Variants in SNX29 observed in about 807,000 individuals in gnomAD.
SNX29 encodes the protein sorting nexin-29.
SNX29 carries 78 observed loss-of-function variants against 102.1 expected under a neutral mutation model. The ratio of observed to expected loss-of-function variants is 0.76; its 90% CI spans 0.64 to 0.92. The LOEUF (loss-of-function observed/expected upper bound fraction) is 0.92, where lower values mean the gene tolerates loss of function less well. Ranked by LOEUF, SNX29 falls within the 40% of genes least tolerant of loss-of-function variation. The pLI, the probability that SNX29 is intolerant of heterozygous loss-of-function variation, is 0.00. For missense variants in SNX29, 1,280 were observed against 1,061.7 expected (o/e 1.21, Z -2.86); for synonymous variants, 580 against 414.5 (o/e 1.40, Z -4.85).
rs547988827 is a variant in SNX29, at chr16:12,189,051, C to G, written c.1596-10550C>G. 1.3e-3 allele frequency among the ~76,000 whole-genome samples: 204 copies of G among 152,250 alleles called. 1 individual carries two copies. Among genetic ancestry groups the G allele is most frequent in the Non-Finnish European group, 2.5e-3 (169 of 68,012 alleles). ...GCCCAGAAGTGTCCTGGAGGCTTGCCAAAATACAGATTCCAGGCTTCACCC... is the reference window on the plus strand; with the variant it reads ...GCCCAGAAGTGTCCTGGAGGCTTGCGAAAATACAGATTCCAGGCTTCACCC... On this transcript the variant is annotated intron_variant, in intron 13 of 20. Transcript: ENST00000566228.
chr16:12,224,304 C>A (rs571687303), intron 14 of SNX29, among the ~76,000 whole-genome samples: 2 of 152,272 alleles, frequency 1.3e-5, no homozygotes, highest in South Asian at 2.1e-4. Flanking sequence ...CTTTCTCTCT[C>A]CCTCTCAATC....
At chr16:12,170,796 C>T (rs1021050781) in intron 13 of SNX29, among the ~76,000 whole-genome samples, 12 of 150,848 alleles carry the variant, frequency 8.0e-5, no homozygotes, top group African/African-American at 2.0e-4. Context: ...AGTGAGAGCA[C>T]GTGTGTGTGT....
At chr16:12,104,053 A>G (rs2053130351) in intron 11 of SNX29, among the ~76,000 whole-genome samples, 1 of 152,212 alleles carries the variant, frequency 6.6e-6, no homozygotes, top group African/African-American at 2.4e-5. Context: ...GGAAGCCTGC[A>G]TTCCAGATGA....
chr16:12,053,373 A>G (rs350220), intron 8 of SNX29: 106,246 of 150,832 alleles, frequency 0.7, 38,074 homozygotes, highest in African/African-American at 0.8. Context: ...CCTCCTAATC[A>G]TGACTACTGC....
At chr16:12,287,266 C>T (rs1013692665) in intron 15 of SNX29, among the ~76,000 whole-genome samples, 2 of 152,186 alleles carry the variant, frequency 1.3e-5, no homozygotes, top group African/African-American at 2.4e-5. Flanking sequence ...GCTCCACCAG[C>T]GTATGGGTTT....
At chr16:12,205,112 G>C (rs191477103) in intron 14 of SNX29, among the ~76,000 whole-genome samples, 1 of 152,198 alleles carries the variant, frequency 6.6e-6, no homozygotes, top group Non-Finnish European at 1.5e-5. Flanking sequence ...ATGGAGAGTC[G>C]TGGGCTAAAT....
At chr16:11,997,876 G>A (rs1410844929) in intron 1 of SNX29, among the ~76,000 whole-genome samples, 2 of 152,178 alleles carry the variant, frequency 1.3e-5, no homozygotes, top group Admixed American at 1.3e-4. Flanking sequence ...TACACTAGAA[G>A]TTAAATAAGT....
At chr16:12,117,317 C>T (rs1291017339) in intron 11 of SNX29, among the ~76,000 whole-genome samples, 2 of 137,596 alleles carry the variant, frequency 1.5e-5, no homozygotes, top group African/African-American at 2.8e-5. Flanking sequence ...GTGGTCAATA[C>T]GTGCTTCAAT....
At chr16:11,991,976 A>C (rs922718108) in intron 1 of SNX29, among the ~76,000 whole-genome samples, 19 of 152,088 alleles carry the variant, frequency 1.2e-4, no homozygotes, top group African/African-American at 4.3e-4. Context: ...TTCTCAGCCA[A>C]CATCTACCTG....
At chr16:12,308,809 G>T (rs763090061) in intron 15 of SNX29, among the ~76,000 whole-genome samples, 2 of 152,186 alleles carry the variant, frequency 1.3e-5, no homozygotes, top group African/African-American at 2.4e-5. Flanking sequence ...ATGAGCAAAA[G>T]AAACAAGAAC....
chr16:12,191,911 G>A (rs2076652025), intron 13 of SNX29, among the ~76,000 whole-genome samples: 1 of 152,178 alleles, frequency 6.6e-6, no homozygotes, highest in Non-Finnish European at 1.5e-5. Flanking sequence ...TGTGGTTATG[G>A]TTGATGCCTA....
intron 15 of SNX29, among the ~76,000 whole-genome samples, chr16:12,322,704 G>T (rs968980301): frequency 6.6e-6 from 1 of 151,770 alleles, no homozygotes; most frequent in Non-Finnish European, 1.5e-5. Flanking sequence ...GGGGACCACC[G>T]TCAGGACTTG....
chr16:12,503,183 G>C (rs1399860800), intron 19 of SNX29, among the ~76,000 whole-genome samples: 4 of 151,984 alleles, frequency 2.6e-5, no homozygotes, highest in Non-Finnish European at 5.9e-5. Flanking sequence ...CACCACTGCT[G>C]CTCTGAGCTG....
At chr16:12,506,880 C>T (rs1478817659) in intron 19 of SNX29, among the ~76,000 whole-genome samples, 1 of 148,740 alleles carries the variant, frequency 6.7e-6, no homozygotes, top group African/African-American at 2.4e-5. Context: ...TTTCCTCAGG[C>T]TTGTCCTTAA....
intron 20 of SNX29, among the ~76,000 whole-genome samples, chr16:12,553,914 G>A (rs1347235328): frequency 5.9e-5 from 9 of 152,084 alleles, no homozygotes; most frequent in East Asian, 1.9e-4. Flanking sequence ...CATGATCTCC[G>A]CCTCCTGGGT....
intron 15 of SNX29, among the ~76,000 whole-genome samples, chr16:12,301,861 T>A (rs899683393): frequency 1.3e-5 from 2 of 152,236 alleles, no homozygotes; most frequent in Non-Finnish European, 2.9e-5. Context: ...CGAAGCTCTT[T>A]TACAGGCATC....
intron 20 of SNX29, among the ~76,000 whole-genome samples, chr16:12,556,820 C>T (rs1393377070): frequency 1.3e-5 from 2 of 151,944 alleles, no homozygotes; most frequent in Non-Finnish European, 2.9e-5. Context: ...TACAGAAGCC[C>T]AGAGGAGGAA....
intron 1 of SNX29, among the ~76,000 whole-genome samples, chr16:11,998,884 A>T (rs2056183584): frequency 6.6e-6 from 1 of 152,292 alleles, no homozygotes; most frequent in South Asian, 2.1e-4. Flanking sequence ...GTACTGGGAA[A>T]CTTATATTTT....
In SNX29 at chr16:12,568,523, G is replaced by A. The variant is rs746735031; in HGVS notation, c.2336G>A (p.Gly779Glu). The A allele has an allele frequency of 1.9e-6, 3 of 1,609,680 alleles. No homozygotes were observed. Among genetic ancestry groups the A allele is most frequent in the South Asian group, 1.1e-5 (1 of 91,064 alleles). ...MPFFVDITPP[G>E]EPVNSRPKAA... is the part of the protein sequence containing the mutation. Reference sequence around the variant, plus strand: ...TCTTTCAGCGACATCACCCCGCCCGGAGAGCCTGTGAACAGCCGGCCCAAA... The same window carrying A: ...TCTTTCAGCGACATCACCCCGCCCGAAGAGCCTGTGAACAGCCGGCCCAAA... The change falls in exon 21 of 21, where the codon GGA (glycine) becomes GAA (glutamate). Residue 779 changes from glycine to glutamate, a missense_variant. Transcript: ENST00000566228.
Sources: allele counts gnomAD v4.1 joint callset (sites outside exome capture counted in the v4.1 genomes callset), GRCh38; gene constraint gnomAD v4.1.1; transcripts MANE v1.5; gene names NCBI Gene and HGNC (gene_info 2026-07-23, HGNC 2026-07-21).